RFX8: variants seen among roughly 807,000 people sequenced by gnomAD.
RFX8 encodes the protein regulatory factor X8.
Under a neutral mutation model 54.6 loss-of-function variants are expected in RFX8, and 46 were observed. The observed-to-expected ratio is 0.84, with a 90% CI of 0.67 to 1.08. RFX8 has a LOEUF of 1.08. Among genes scored for constraint, RFX8 ranks in the 50% least tolerant of loss-of-function variants. The pLI is 0.00. For missense variants in RFX8, 536 were observed against 562.3 expected, an observed-to-expected ratio of 0.95 and a Z score of 0.47; for synonymous variants, 192 against 209.5, an observed-to-expected ratio of 0.92 and a Z score of 0.72.
At chr2:101,412,770 G>A (rs1002598404) in intron 8 of RFX8, 145 bp downstream of exon 8, 3 of 855,562 alleles carry the variant, frequency 3.5e-6, no homozygotes, top group African/African-American at 3.4e-5. Flanking sequence ...CCCCACTACA[G>A]GAAGAGAAGT....
At chr2:101,415,203 C>T (rs746734475) in intron 6 of RFX8, among the ~76,000 whole-genome samples, 10 of 152,088 alleles carry the variant, frequency 6.6e-5, no homozygotes, top group African/African-American at 1.2e-4. Flanking sequence ...TGAACCTCAC[C>T]CCCATTGTGA....
intron 1 of RFX8, among the ~76,000 whole-genome samples, chr2:101,467,968 T>C (rs1490279681): frequency 6.6e-6 from 1 of 152,292 alleles, no homozygotes; most frequent in East Asian, 1.9e-4. Context: ...GGCATTTGTT[T>C]TTCTAGAGAA....
In RFX8 at chr2:101,448,760, T is replaced by C. The variant is rs1014388735; in HGVS notation, c.72+18017A>G. On this transcript the variant is annotated intron_variant, in intron 2 of 11. Coordinates refer to ENST00000428343, the MANE Select transcript of RFX8 (RefSeq NM_001145664.2). The stretch of plus-strand genomic sequence containing the variant: ...ATACCAAAGGTGACCATATAATTCA[T>C]TTTAATTTATTGTTCAAACTAGAAC... Among the ~76,000 whole-genome samples the C allele has an allele frequency of 3.9e-5, 6 of 152,332 alleles. No homozygotes were observed. In the South Asian group the frequency reaches 1.2e-3, roughly 32 times the overall value.
intron 2 of RFX8, among the ~76,000 whole-genome samples, chr2:101,456,074 C>T (rs1688949503): frequency 2.0e-5 from 3 of 152,264 alleles, no homozygotes; most frequent in African/African-American, 7.2e-5. Flanking sequence ...TATCCTGAGA[C>T]TTTGCTGAAG....
At chr2:101,467,934 A>C (rs1689669677) in intron 1 of RFX8, among the ~76,000 whole-genome samples, 1 of 152,082 alleles carries the variant, frequency 6.6e-6, no homozygotes, top group African/African-American at 2.4e-5. Context: ...TTTAGCAGAG[A>C]CTTTACAGAC....
intron 1 of RFX8, among the ~76,000 whole-genome samples, chr2:101,468,057 A>G (rs1558895177): frequency 6.6e-6 from 1 of 152,118 alleles, no homozygotes; most frequent in Non-Finnish European, 1.5e-5. Context: ...CTGAGGCCCA[A>G]ACTTACTTTC....
chr2:101,470,807 C>T (rs1689939688), intron 1 of RFX8, among the ~76,000 whole-genome samples: 2 of 148,776 alleles, frequency 1.3e-5, no homozygotes, highest in South Asian at 2.1e-4. Context: ...GCAAGCTCCG[C>T]CTCCCAGGTT....
rs542810523 is a variant in RFX8, at chr2:101,461,723, A to G, written c.72+5054T>C. On this transcript the variant is annotated intron_variant, in intron 2 of 11. Coordinates refer to ENST00000428343, the MANE Select transcript of RFX8 (RefSeq NM_001145664.2). Reference sequence around the variant, plus strand: ...TCAACTGGGATAACTTGCAGAAAATATAATTAAGTTAAAAATTATACCCTG... The same window carrying G: ...TCAACTGGGATAACTTGCAGAAAATGTAATTAAGTTAAAAATTATACCCTG... 8.1e-4 allele frequency among the ~76,000 whole-genome samples: 124 copies of G among 152,356 alleles called. 1 individual carries two copies. The highest frequency in any genetic ancestry group is 3.0e-3 in the African/African-American group (123 of 41,586).
At chr2:101,442,635 T>A (rs1688160746) in intron 2 of RFX8, among the ~76,000 whole-genome samples, 1 of 152,186 alleles carries the variant, frequency 6.6e-6, no homozygotes, top group East Asian at 1.9e-4. Flanking sequence ...AATGTGTTAT[T>A]TTTCTGCCTG....
At chr2:101,472,799 C>T (rs528367044) in intron 1 of RFX8, among the ~76,000 whole-genome samples, 1 of 152,144 alleles carries the variant, frequency 6.6e-6, no homozygotes, top group Non-Finnish European at 1.5e-5. Context: ...AAGTGGATCA[C>T]TTGAGGTCAG....
At chr2:101,469,004 GTATATATATATAGGTATATATATAT>G (rs1689744739) in intron 1 of RFX8, among the ~76,000 whole-genome samples, 1 of 25,286 alleles carries the variant, frequency 4.0e-5, no homozygotes, top group South Asian at 1.5e-3. Flanking sequence ...ATATATATAC[GTATATATATATAGGTATATATATAT>G]ACGTATATAT....
At chr2:101,437,506 C>T (rs559324207) in intron 2 of RFX8, among the ~76,000 whole-genome samples, 10 of 151,640 alleles carry the variant, frequency 6.6e-5, no homozygotes, top group East Asian at 1.9e-4. Context: ...TGAGCCTAGG[C>T]GGTCAAGGCT....
intron 10 of RFX8, among the ~76,000 whole-genome samples, chr2:101,403,255 A>C (rs1319274248): frequency 6.6e-6 from 1 of 152,178 alleles, no homozygotes; most frequent in Non-Finnish European, 1.5e-5. Flanking sequence ...TAAGGAGGCC[A>C]GCTGGCATTC....
In RFX8 at chr2:101,411,334, G is replaced by A. The variant is rs143192268; in HGVS notation, c.719-621C>T. On this transcript the variant is annotated intron_variant, in intron 8 of 11. Transcript: ENST00000428343. Reference sequence around the variant, plus strand: ...CCCCTCTGAGGCTTGGTGGAGGTGCGCTTGGACTTGGAACTGGAATCATTT... The same window carrying A: ...CCCCTCTGAGGCTTGGTGGAGGTGCACTTGGACTTGGAACTGGAATCATTT... Among the ~76,000 whole-genome samples, 41 of 152,310 alleles carry A rather than the reference G, an allele frequency of 2.7e-4. No individual in the cohort carries two copies. The East Asian group carries it at 7.3e-3, about 27-fold the overall frequency.
intron 2 of RFX8, among the ~76,000 whole-genome samples, chr2:101,450,368 C>T (rs187287259): frequency 1.5e-4 from 23 of 152,232 alleles, no homozygotes; most frequent in Middle Eastern, 3.4e-3. Context: ...ACTACCGGTG[C>T]ACAACACCAT....
intron 2 of RFX8, among the ~76,000 whole-genome samples, chr2:101,464,001 C>T (rs186642534): frequency 1.3e-5 from 2 of 152,328 alleles, no homozygotes; most frequent in East Asian, 1.9e-4. Flanking sequence ...CAAGAGTTTC[C>T]AGCAAGGTCA....
intron 2 of RFX8, among the ~76,000 whole-genome samples, chr2:101,464,461 A>C (rs1001941433): frequency 3.9e-5 from 6 of 152,212 alleles, no homozygotes; most frequent in African/African-American, 7.2e-5. Context: ...TTGGTGAGAA[A>C]CCGACTCTAT....
At chr2:101,409,901 T>A (rs1685997508) in intron 9 of RFX8, among the ~76,000 whole-genome samples, 1 of 152,082 alleles carries the variant, frequency 6.6e-6, no homozygotes, top group African/African-American at 2.4e-5. Flanking sequence ...AGCTCTCCAC[T>A]GCCCCCATGG....
chr2:101,410,847 C>T, intron 8 of RFX8, 134 bp from the exon 9 acceptor site: 2 of 596,496 alleles, frequency 3.4e-6, no homozygotes, highest in Non-Finnish European at 6.1e-6. Context: ...GCCTCATGCT[C>T]ATTGTGAACA....
Sources: gnomAD v4.1 joint callset for allele counts (sites outside exome capture counted in the v4.1 genomes callset) on GRCh38, gnomAD v4.1.1 for gene constraint, MANE v1.5 for transcripts, NCBI Gene and HGNC (gene_info 2026-07-23, HGNC 2026-07-21) for gene names.